Variants in PCDH11X observed in about 807,000 individuals in gnomAD.
PCDH11X encodes the protein protocadherin 11 X-linked.
A neutral mutation model predicts 53.3 loss-of-function variants in PCDH11X; 18 were observed. The observed-to-expected ratio is 0.34, with a 90% CI of 0.23 to 0.50. The LOEUF (loss-of-function observed/expected upper bound fraction) is 0.50, where lower values mean the gene tolerates loss of function less well. Ranked by LOEUF, PCDH11X falls within the 20% of genes least tolerant of loss-of-function variation. The pLI, the probability that PCDH11X is intolerant of heterozygous loss-of-function variation, is 0.98. For synonymous variants in PCDH11X, 279 were observed against 393.3 expected, an observed-to-expected ratio of 0.71 and a Z score of 3.44; for missense variants, 570 against 1,032.4, an observed-to-expected ratio of 0.55 and a Z score of 6.14.
chrX:91,796,178 A>G (rs1396582602), intron 1 of PCDH11X, among the ~76,000 whole-genome samples: 1 of 111,963 alleles, frequency 8.9e-6, no homozygotes, highest in Admixed American at 9.5e-5. Context: ...ATGAAAATTT[A>G]TCTTACATAG....
chrX:92,081,396 G>A (rs1184004440), intron 6 of PCDH11X, among the ~76,000 whole-genome samples: 1 of 109,835 alleles, frequency 9.1e-6, no homozygotes, highest in Non-Finnish European at 1.9e-5. Context: ...TCCCTCCCCA[G>A]AACACATTTT....
intron 6 of PCDH11X, among the ~76,000 whole-genome samples, chrX:91,971,497 G>C (rs1602590955): frequency 9.1e-6 from 1 of 109,866 alleles, no homozygotes; most frequent in African/African-American, 3.3e-5. Flanking sequence ...TGTTCACTGA[G>C]GGTAAGGTGG....
rs371292475 is a variant in PCDH11X, at chrX:92,270,561, C to T, written c.3144+7418C>T. On this transcript the variant is annotated intron_variant, in intron 8 of 10. Coordinates refer to ENST00000682573, the MANE Select transcript of PCDH11X (RefSeq NM_032968.5). The stretch of plus-strand genomic sequence containing the variant: ...TTACTTTGCCAATGTGAAGGACATG[C>T]CTAGGAGGGAGGTCTGTGCTTTTCT... Among the ~76,000 whole-genome samples, 3 of 111,640 alleles carry T rather than the reference C, an allele frequency of 2.7e-5. No homozygotes were observed. The East Asian group carries it at 8.5e-4, about 32-fold the overall frequency.
intron 7 of PCDH11X, among the ~76,000 whole-genome samples, chrX:92,233,054 C>G (rs1428010471): frequency 9.0e-6 from 1 of 111,446 alleles, no homozygotes; most frequent in East Asian, 2.8e-4. Flanking sequence ...TGACTCTACC[C>G]CAGCTCCTCA....
At chrX:92,375,490 T>A (rs1039084432) in intron 8 of PCDH11X, among the ~76,000 whole-genome samples, 1 of 104,277 alleles carries the variant, frequency 9.6e-6, no homozygotes, top group African/African-American at 3.5e-5. Context: ...TTCATTTATA[T>A]TTTTAAGAAT....
At chrX:92,015,553 C>T (rs6618818) in intron 6 of PCDH11X, among the ~76,000 whole-genome samples, 7 of 112,283 alleles carry the variant, frequency 6.2e-5, no homozygotes, top group South Asian at 3.6e-4. Context: ...CAATGTTCAC[C>T]GCATCTTCAC....
chrX:92,461,061 A>C, intron 9 of PCDH11X: 1 of 451,899 alleles, frequency 2.2e-6, no homozygotes, highest in Non-Finnish European at 3.8e-6. Context: ...GATGAAAGAA[A>C]TTGAGGCAGA....
At chrX:92,273,604 C>T (rs1432422778) in intron 8 of PCDH11X, among the ~76,000 whole-genome samples, 3 of 109,712 alleles carry the variant, frequency 2.7e-5, no homozygotes, top group Admixed American at 9.8e-5. Flanking sequence ...AGAGAGTGGA[C>T]GATGTTTCTC....
intron 9 of PCDH11X, among the ~76,000 whole-genome samples, chrX:92,416,333 G>A (rs2071809966): frequency 9.0e-6 from 1 of 110,650 alleles, no homozygotes; most frequent in African/African-American, 3.3e-5. Flanking sequence ...TGGATTATTT[G>A]TATCACAAAG....
chrX:92,569,733 A>G (rs1425229166), intron 10 of PCDH11X: 1 of 249,455 alleles, frequency 4.0e-6, no homozygotes, highest in Admixed American at 4.5e-5. Context: ...TTATGTGTTC[A>G]TTGGCCGGGC....
chrX:92,013,011 G>T (rs2062719684), intron 6 of PCDH11X, among the ~76,000 whole-genome samples: 1 of 111,356 alleles, frequency 9.0e-6, no homozygotes, highest in Non-Finnish European at 1.9e-5. Flanking sequence ...TTTCAACATA[G>T]TGTTGGAAGT....
chrX:92,033,756 G>T (rs2476067), intron 6 of PCDH11X, among the ~76,000 whole-genome samples: 1 of 109,617 alleles, frequency 9.1e-6, no homozygotes, highest in African/African-American at 3.3e-5. Context: ...TTTCTCCTCC[G>T]ATCTTTATTA....
At chrX:92,239,178 G>A (rs1050452919) in intron 7 of PCDH11X, among the ~76,000 whole-genome samples, 1 of 111,501 alleles carries the variant, frequency 9.0e-6, no homozygotes, top group Non-Finnish European at 1.9e-5. Context: ...GACTCAAGAA[G>A]CAAGAAGATG....
chrX:92,617,442 C>T (rs1928101856), intron 10 of PCDH11X, among the ~76,000 whole-genome samples: 1 of 111,433 alleles, frequency 9.0e-6, no homozygotes, highest in South Asian at 3.7e-4. Context: ...AGGATTGATA[C>T]GTCTTCGTAG....
chrX:92,266,307 A>G (rs2067828366), intron 8 of PCDH11X, among the ~76,000 whole-genome samples: 1 of 111,957 alleles, frequency 8.9e-6, no homozygotes, highest in Non-Finnish European at 1.9e-5. Context: ...AATTCAGAGT[A>G]TGGGAAAGTA....
At chrX:92,021,515 G>T (rs1192904501) in intron 6 of PCDH11X, among the ~76,000 whole-genome samples, 1 of 109,512 alleles carries the variant, frequency 9.1e-6, no homozygotes, top group African/African-American at 3.3e-5. Flanking sequence ...GAAATACGGG[G>T]CAATGTAAAA....
chrX:91,979,219 C>T lies in PCDH11X; in HGVS notation c.3033+99946C>T, dbSNP rs200817439. On this transcript the variant is annotated intron_variant, in intron 6 of 10. Transcript: ENST00000682573. ...AGGTTTGTTCTTGAGAGTGAGGTGTCACAAATTCTGTTTGGCAAGATATGG... is the reference window on the plus strand; with the variant it reads ...AGGTTTGTTCTTGAGAGTGAGGTGTTACAAATTCTGTTTGGCAAGATATGG... 3.8e-3 allele frequency among the ~76,000 whole-genome samples: 402 copies of T among 107,101 alleles called. 8 individuals carry two copies. In the East Asian group the frequency reaches 0.042, roughly 11 times the overall value. 93.0% of individuals were successfully genotyped at this position (107,101 alleles called of 115,157 possible).
intron 8 of PCDH11X, among the ~76,000 whole-genome samples, chrX:92,348,850 A>G (rs1249591926): frequency 9.6e-6 from 1 of 104,463 alleles, no homozygotes; most frequent in Non-Finnish European, 2.0e-5. Context: ...TATCAAAATT[A>G]TAAGGAACAA....
At chrX:92,257,341 T>C (rs1450380998) in intron 7 of PCDH11X, among the ~76,000 whole-genome samples, 5 of 111,128 alleles carry the variant, frequency 4.5e-5, no homozygotes, top group African/African-American at 1.6e-4. Flanking sequence ...GTGGGGGCAC[T>C]GATCGAAACC....
Sources: allele counts gnomAD v4.1 joint callset (sites outside exome capture counted in the v4.1 genomes callset), GRCh38; gene constraint gnomAD v4.1.1; transcripts MANE v1.5; gene names NCBI Gene and HGNC (gene_info 2026-07-23, HGNC 2026-07-21).